PLEKHA5: variants seen among roughly 807,000 people sequenced by gnomAD.
The protein encoded by PLEKHA5 is pleckstrin homology domain containing A5.
A neutral mutation model predicts 181.9 loss-of-function variants in PLEKHA5; 55 were observed. The ratio of observed to expected loss-of-function variants is 0.30; its 90% CI spans 0.24 to 0.38. PLEKHA5 has a LOEUF of 0.38. Ranked by LOEUF, PLEKHA5 falls within the 10% of genes least tolerant of loss-of-function variation. PLEKHA5 has a pLI of 1.00. For synonymous variants in PLEKHA5, 535 were observed against 529.4 expected, an observed-to-expected ratio of 1.01 and a Z score of -0.15; for missense variants, 1,432 against 1,549.5, an observed-to-expected ratio of 0.92 and a Z score of 1.27.
chr12:19,204,875 T>G (rs2055052380), intron 3 of PLEKHA5, among the ~76,000 whole-genome samples: 1 of 152,118 alleles, frequency 6.6e-6, no homozygotes, highest in Non-Finnish European at 1.5e-5. Flanking sequence ...GAGAACAGAA[T>G]AAGAGATTGA....
chr12:19,334,829 A>AAAAAAAAAAAATAT, intron 20 of PLEKHA5, among the ~76,000 whole-genome samples: 2 of 18,604 alleles, frequency 1.1e-4, no homozygotes, highest in Non-Finnish European at 2.9e-4. Context: ...AAAAAAAAAA[A>AAAAAAAAAAAATAT]ATATATATAT....
Position 19,376,350 on chromosome 12 carries a change from C to T in PLEKHA5, c.*831C>T, listed in dbSNP as rs2095705049. The T allele has an allele frequency of 6.6e-6, 1 of 152,516 alleles. No homozygotes were observed. 9.4% of individuals were successfully genotyped at this position (152,516 alleles called of 1,614,324 possible). On this transcript the variant is annotated 3_prime_UTR_variant, in exon 32 of 32. Transcript: ENST00000429027. ...TTACTATTGTTTAAATGCAAATGTT[C>T]ATATCTCATTTCTTTTTTTATCATG... is the stretch of plus-strand genomic sequence containing the variant.
rs140744599 is a variant in PLEKHA5, at chr12:19,246,168, C to T, written c.228-7772C>T. Among the ~76,000 whole-genome samples the T allele has an allele frequency of 9.8e-3, 1,480 of 151,342 alleles. 10 individuals carry two copies. Among genetic ancestry groups the T allele is most frequent in the Admixed American group, 0.018 (272 of 15,206 alleles). On this transcript the variant is annotated intron_variant, in intron 3 of 31. Coordinates refer to ENST00000429027, the MANE Select transcript of PLEKHA5 (RefSeq NM_001256470.2). ...TAACTTTTTGTATTTTTAGTAGAGA[C>T]GGGGTTTCACCGTGTTAGCCATGAT...
rs558127626 is a variant in PLEKHA5 at position 19,322,134 on chromosome 12, A to G, written c.2218-176A>G. Among the ~76,000 whole-genome samples, 9 of 152,328 alleles carry G rather than the reference A, an allele frequency of 5.9e-5. No homozygotes were observed. The South Asian group carries it at 1.9e-3, about 32-fold the overall frequency. On this transcript the variant is annotated intron_variant, in intron 18 of 31. Transcript: ENST00000429027. ...CTGCATATTATCACTTAACCTATTT[A>G]GCAGATTGTAGAGGCAAAATGCTTG...
chr12:19,228,488 G>A (rs1374775977), intron 3 of PLEKHA5, among the ~76,000 whole-genome samples: 2 of 151,998 alleles, frequency 1.3e-5, no homozygotes, highest in African/African-American at 4.8e-5. Flanking sequence ...TGCAAAATGA[G>A]CTCTAATTAT....
intron 3 of PLEKHA5, among the ~76,000 whole-genome samples, chr12:19,234,660 C>T (rs1372568826): frequency 6.6e-6 from 1 of 152,160 alleles, no homozygotes; most frequent in East Asian, 1.9e-4. Context: ...AATTTTATTA[C>T]AAAAATGTCT....
intron 3 of PLEKHA5, among the ~76,000 whole-genome samples, chr12:19,164,917 A>G (rs891027014): frequency 1.3e-5 from 2 of 152,040 alleles, no homozygotes; most frequent in Admixed American, 6.6e-5. Flanking sequence ...CAAAGTAAAC[A>G]CATTCTTCCT....
chr12:19,363,141 T>TG (rs1565667532), intron 29 of PLEKHA5, among the ~76,000 whole-genome samples: 1 of 151,114 alleles, frequency 6.6e-6, no homozygotes, highest in African/African-American at 2.4e-5. Flanking sequence ...TTGTTGTTGT[T>TG]TTTTTGTTTT....
At chr12:19,131,018 G>A (rs1450837543) in intron 2 of PLEKHA5, 1 of 152,316 alleles carries the variant, frequency 6.6e-6, no homozygotes, top group Middle Eastern at 3.2e-3. Flanking sequence ...AGCTGGAAAA[G>A]GCTCCTCGTA....
At chr12:19,313,083 G>A (rs958402522) in intron 15 of PLEKHA5, among the ~76,000 whole-genome samples, 1 of 152,058 alleles carries the variant, frequency 6.6e-6, no homozygotes. Context: ...AACCTTTATC[G>A]ATTTCATCAT....
chr12:19,205,520 A>G (rs553611781), intron 3 of PLEKHA5: 38 of 241,034 alleles, frequency 1.6e-4, no homozygotes, highest in African/African-American at 7.0e-4. Flanking sequence ...ATTTACTTAT[A>G]TCTGCTGCTT....
In PLEKHA5 at chr12:19,343,420, G is replaced by T. The variant is rs1165509405; in HGVS notation, c.2648G>T (p.Gly883Val). 6.3e-7 allele frequency: 1 copy of T among 1,596,964 alleles called. No individual in the cohort carries two copies. The highest frequency in any genetic ancestry group is 1.1e-5 in the South Asian group (1 of 90,708). The change falls in exon 22 of 32, where the codon GGT (glycine) becomes GTT (valine). Residue 883 changes from glycine (G) to valine (V), a missense_variant. Coordinates refer to ENST00000429027, the MANE Select transcript of PLEKHA5 (RefSeq NM_001256470.2). ...EGLSKHKQQR[G>V]TTEIGMIGSK... ...CTGAGTAAACATAAGCAGCAAAGAG[G>T]TACTACAGAAATAGGTAAATTAGCT...
intron 25 of PLEKHA5, among the ~76,000 whole-genome samples, chr12:19,352,342 G>A (rs2094642078): frequency 6.6e-6 from 1 of 151,160 alleles, no homozygotes; most frequent in South Asian, 2.1e-4. Flanking sequence ...CCGAGATCGT[G>A]CCATTGTACT....
intron 15 of PLEKHA5, among the ~76,000 whole-genome samples, chr12:19,308,286 C>G (rs181606687): frequency 6.6e-6 from 1 of 152,086 alleles, no homozygotes; most frequent in African/African-American, 2.4e-5. Context: ...GCATCAGTGT[C>G]ATTGCTTTGT....
At chr12:19,206,299 A>G (rs1319197585) in intron 3 of PLEKHA5, among the ~76,000 whole-genome samples, 1 of 152,132 alleles carries the variant, frequency 6.6e-6, no homozygotes, top group African/African-American at 2.4e-5. Context: ...TGTAATATTT[A>G]AAATCTATAC....
At position 19,320,658 on chromosome 12, in the gene PLEKHA5, C is replaced by A. The variant is rs775907162; in HGVS notation, c.2217+34C>A. Reference sequence around the variant, plus strand: ...TAGTATGATATATGTGGTCAGTACTCTGTCGTATTCTCCGCCAAAAACACT... The same window carrying A: ...TAGTATGATATATGTGGTCAGTACTATGTCGTATTCTCCGCCAAAAACACT... On this transcript the variant is annotated intron_variant, in intron 18 of 31. Coordinates refer to ENST00000429027, the MANE Select transcript of PLEKHA5 (RefSeq NM_001256470.2). 3 of 942,488 alleles carry A rather than the reference C, an allele frequency of 3.2e-6. No homozygotes were observed. In the South Asian group the frequency reaches 5.6e-5, roughly 18 times the overall value. 58.4% of individuals were successfully genotyped at this position (942,488 alleles called of 1,614,324 possible).
At position 19,355,344 on chromosome 12, in the gene PLEKHA5, C is replaced by CTTT. The variant is rs756942658; in HGVS notation, c.3138+1362_3138+1364dup. Among the ~76,000 whole-genome samples, 54 of 93,938 alleles carry CTTT rather than the reference C, an allele frequency of 5.7e-4. 1 individual carries two copies. The highest frequency in any genetic ancestry group is 6.6e-4 in the Non-Finnish European group (30 of 45,796). The allele number at this position is 93,938 out of a possible 152,430, so 61.6% of individuals were successfully genotyped here. A position where few individuals can be genotyped will look rare whatever the true frequency, so the allele number is the denominator to read the frequency against. ...ACTACATATAAGATATATGGCTAGT[C>CTTT]TTTTTTTTTTTTTTTTTTTTTTCAA... On this transcript the variant is annotated intron_variant, in intron 26 of 31. Coordinates refer to ENST00000429027, the MANE Select transcript of PLEKHA5 (RefSeq NM_001256470.2).
In PLEKHA5 at chr12:19,210,960, A is replaced by G. The variant is rs1406243369; in HGVS notation, c.228-42980A>G. The stretch of plus-strand genomic sequence containing the variant: ...GTTGATCTATTTATAAATTTTAACA[A>G]TGACATTCAATAGAGTTACTGCTGT... On this transcript the variant is annotated intron_variant, in intron 3 of 31. Transcript: ENST00000429027. Among the ~76,000 whole-genome samples, 4 of 152,264 alleles carry G rather than the reference A, an allele frequency of 2.6e-5. No homozygotes were observed. In the East Asian group the frequency reaches 7.7e-4, roughly 29 times the overall value.
intron 3 of PLEKHA5, among the ~76,000 whole-genome samples, chr12:19,244,685 T>C (rs111298085): frequency 6.6e-6 from 1 of 152,238 alleles, no homozygotes; most frequent in Non-Finnish European, 1.5e-5. Context: ...CATGTGAGTT[T>C]AGTAAGAAAC....
Sources: gnomAD v4.1 joint callset for allele counts (sites outside exome capture counted in the v4.1 genomes callset) on GRCh38, gnomAD v4.1.1 for gene constraint, MANE v1.5 for transcripts, NCBI Gene and HGNC (gene_info 2026-07-23, HGNC 2026-07-21) for gene names.